The following RASSF4 variants were observed in gnomAD, a reference collection of about 807,000 sequenced individuals.
RASSF4 encodes Ras association domain family member 4.
RASSF4 carries 38 observed loss-of-function variants against 41.1 expected under a neutral mutation model. That is an observed-to-expected ratio of 0.92 (90% CI 0.71 to 1.21). RASSF4 has a LOEUF of 1.21. Ranked by LOEUF, RASSF4 falls within the 50% of genes most tolerant of loss-of-function variation. The probability of loss-of-function intolerance (pLI) is 0.00; values close to 1 mark genes in which losing one functional copy is unlikely to be tolerated. For missense variants in RASSF4, 414 were observed against 419.4 expected, an observed-to-expected ratio of 0.99 and a Z score of 0.11; for synonymous variants, 179 against 163.4, an observed-to-expected ratio of 1.10 and a Z score of -0.73.
intron 3 of RASSF4, 97 bp from the exon 4 acceptor site, chr10:44,982,424 G>A: frequency 6.8e-7 from 1 of 1,472,024 alleles, no homozygotes; most frequent in African/African-American, 1.4e-5. Context: ...GAGGAGGGAT[G>A]TGCAAGGCCT....
At chr10:44,975,247 A>G (rs1841361626) in intron 3 of RASSF4, among the ~76,000 whole-genome samples, 1 of 152,084 alleles carries the variant, frequency 6.6e-6, no homozygotes, top group Non-Finnish European at 1.5e-5. Context: ...GCGGAAAACC[A>G]GCATCCCGCC....
intron 3 of RASSF4, chr10:44,977,877 AG>A (rs762868383): frequency 6.2e-7 from 1 of 1,612,116 alleles, no homozygotes; most frequent in South Asian, 1.1e-5. Flanking sequence ...TCCAGCACAG[AG>A]GTGGGCTGTG....
At chr10:44,977,255 T>G in intron 3 of RASSF4, 1 of 1,171,390 alleles carries the variant, frequency 8.5e-7, no homozygotes, top group Middle Eastern at 2.9e-4. Flanking sequence ...GGTCTCACTG[T>G]GAACTGCCCA....
chr10:44,966,138 T>C (rs1428146407), intron 1 of RASSF4, among the ~76,000 whole-genome samples: 1 of 152,192 alleles, frequency 6.6e-6, no homozygotes, highest in East Asian at 1.9e-4. Context: ...CCATTGGAGG[T>C]CAATATTCTT....
intron 10 of RASSF4, among the ~76,000 whole-genome samples, chr10:44,992,619 C>T (rs1401233108): frequency 6.6e-6 from 1 of 152,116 alleles, no homozygotes; most frequent in African/African-American, 2.4e-5. Flanking sequence ...TGGTCCAGGA[C>T]TTGTGGAGGG....
intron 3 of RASSF4, among the ~76,000 whole-genome samples, chr10:44,975,102 G>A (rs1337242894): frequency 6.6e-6 from 1 of 151,938 alleles, no homozygotes; most frequent in Non-Finnish European, 1.5e-5. Context: ...GCGCGGCGCC[G>A]AGGCTCCGGG....
At chr10:44,972,000 C>T (rs1841192252) in intron 3 of RASSF4, 152 bp downstream of exon 3, 5 of 603,356 alleles carry the variant, frequency 8.3e-6, no homozygotes, top group African/African-American at 1.9e-5. Flanking sequence ...TCTCATCACT[C>T]ACCTCTGACC....
chr10:44,989,459 C>CGTGGCAGAAGCTGCCT, intron 7 of RASSF4, 84 bp downstream of exon 7: 1 of 1,087,296 alleles, frequency 9.2e-7, no homozygotes, highest in Non-Finnish European at 1.4e-6. Flanking sequence ...GAAAGCTGCC[C>CGTGGCAGAAGCTGCCT]GTGGCAGAAG....
chr10:44,968,466 A>G (rs1377853508), intron 1 of RASSF4, among the ~76,000 whole-genome samples: 1 of 152,118 alleles, frequency 6.6e-6, no homozygotes, highest in Non-Finnish European at 1.5e-5. Flanking sequence ...GAGGGGAGGT[A>G]TGGATAGGAT....
chr10:44,963,727 A>G (rs1840797040), intron 1 of RASSF4, among the ~76,000 whole-genome samples: 2 of 152,272 alleles, frequency 1.3e-5, no homozygotes, highest in South Asian at 4.1e-4. Flanking sequence ...ATAAGAAAAT[A>G]AAAATCACAA....
chr10:44,980,242 A>T (rs189108515), intron 3 of RASSF4, among the ~76,000 whole-genome samples: 4 of 152,320 alleles, frequency 2.6e-5, no homozygotes, highest in Admixed American at 2.0e-4. Context: ...TGAGACAGTG[A>T]CCAGGATTTC....
At chr10:44,981,778 G>A (rs1841716592) in intron 3 of RASSF4, 1 of 152,278 alleles carries the variant, frequency 6.6e-6, no homozygotes, top group African/African-American at 2.4e-5. Flanking sequence ...GGGCCCAAGG[G>A]GTGCCAACCA....
intron 6 of RASSF4, among the ~76,000 whole-genome samples, chr10:44,985,624 G>T (rs1162029860): frequency 3.9e-5 from 6 of 152,108 alleles, no homozygotes; most frequent in Non-Finnish European, 7.4e-5. Context: ...AGTTGAAGCA[G>T]CTGCCCTTCT....
rs1469115541 is a variant in RASSF4 at position 44,994,460 on chromosome 10, A to C, written c.*1131A>C. 1 of 152,628 alleles carries C rather than the reference A, an allele frequency of 6.6e-6. No individual in the cohort carries two copies. Among genetic ancestry groups the C allele is most frequent in the Non-Finnish European group, 1.5e-5 (1 of 68,060 alleles). The allele number at this position is 152,628 out of a possible 1,614,324, so 9.5% of individuals were successfully genotyped here. The stretch of plus-strand genomic sequence containing the variant: ...AAGGGAAGAACCACAAAGGCTTGCA[A>C]AGATAGGAGAGGCTCCATCTCTAAT... On this transcript the variant is annotated 3_prime_UTR_variant, in exon 11 of 11. Transcript: ENST00000340258.
chr10:44,990,752 A>G (rs544269983), intron 8 of RASSF4, 196 bp from the exon 9 acceptor site: 82 of 489,048 alleles, frequency 1.7e-4, no homozygotes, highest in African/African-American at 1.5e-3. Flanking sequence ...CCTTATGCCA[A>G]AGTGGCAGAT....
intron 1 of RASSF4, among the ~76,000 whole-genome samples, chr10:44,964,056 G>C (rs552879488): frequency 4.0e-4 from 61 of 152,354 alleles, no homozygotes; most frequent in Non-Finnish European, 5.9e-4. Flanking sequence ...ACCTTCTTCT[G>C]TAATAACTTT....
chr10:44,986,113 AT>A (rs1841911047), intron 6 of RASSF4, among the ~76,000 whole-genome samples: 1 of 152,196 alleles, frequency 6.6e-6, no homozygotes, highest in Non-Finnish European at 1.5e-5. Flanking sequence ...AGTGTAAGGA[AT>A]TATTCAAAAA....
At position 44,995,756 on chromosome 10, in the gene RASSF4, G is replaced by A. The variant is rs1842253862; in HGVS notation, c.*2427G>A. ...AACCCCATAATTTCAAACGTTAGAG[G>A]CTGGTCTCTGTGGTTTCCTACTGGT... On this transcript the variant is annotated 3_prime_UTR_variant, in exon 11 of 11. Coordinates refer to ENST00000340258, the MANE Select transcript of RASSF4 (RefSeq NM_032023.4). The A allele has an allele frequency of 6.6e-6, 1 of 152,142 alleles. No homozygotes were observed. The highest frequency in any genetic ancestry group is 2.1e-4 in the South Asian group (1 of 4,820). 9.4% of individuals were successfully genotyped at this position (152,142 alleles called of 1,614,324 possible).
chr10:44,965,763 T>C (rs1391221588), intron 1 of RASSF4, among the ~76,000 whole-genome samples: 1 of 152,140 alleles, frequency 6.6e-6, no homozygotes. Context: ...GCCCCAGCTG[T>C]TTACCCTACA....
Sources: gnomAD v4.1 joint callset for allele counts (sites outside exome capture counted in the v4.1 genomes callset) on GRCh38, gnomAD v4.1.1 for gene constraint, MANE v1.5 for transcripts, NCBI Gene and HGNC (gene_info 2026-07-23, HGNC 2026-07-21) for gene names.